PPM1B: variants seen among roughly 807,000 people sequenced by gnomAD.
PPM1B encodes protein phosphatase 1B.
In PPM1B, 22 loss-of-function variants were observed where a neutral mutation model predicts 43.0. The observed-to-expected ratio is 0.51, with a 90% CI of 0.37 to 0.73. The LOEUF (loss-of-function observed/expected upper bound fraction) is 0.73. Among genes scored for constraint, PPM1B ranks in the 30% least tolerant of loss-of-function variants. The pLI is 0.00. For missense variants in PPM1B, 632 were observed against 584.2 expected (o/e 1.08, Z -0.84); for synonymous variants, 217 against 197.9 (o/e 1.10, Z -0.81).
chr2:44,238,097 T>C (rs1670667434), downstream of PPM1B, among the ~76,000 whole-genome samples: 1 of 151,938 alleles, frequency 6.6e-6, no homozygotes. Context: ...GAGATGGAGT[T>C]TCACCATGTT....
intron 3 of PPM1B, among the ~76,000 whole-genome samples, chr2:44,214,187 C>T (rs1253127969): frequency 6.6e-6 from 1 of 152,198 alleles, no homozygotes; most frequent in Non-Finnish European, 1.5e-5. Context: ...TCACACCATT[C>T]TTCTGCCTCA....
In PPM1B at chr2:44,231,432, G is replaced by A. The variant is rs1252942179; in HGVS notation, c.*714G>A. On this transcript the variant is annotated 3_prime_UTR_variant, in exon 6 of 6. Coordinates refer to ENST00000282412, the MANE Select transcript of PPM1B (RefSeq NM_002706.6). ...CCAAGTGTTTAGAATGAAATTATAA[G>A]TGTTTAAGTCCAAATAAAGCATGTG... is the stretch of plus-strand genomic sequence containing the variant. The A allele has an allele frequency of 1.0e-6, 1 of 974,998 alleles. No individual in the cohort carries two copies. Among genetic ancestry groups the A allele is most frequent in the South Asian group, 4.7e-5 (1 of 21,084 alleles). The allele number at this position is 974,998 out of a possible 1,614,324, so 60.4% of individuals were successfully genotyped here.
chr2:44,232,434 T>G (rs774854299), downstream of PPM1B: 11 of 1,575,124 alleles, frequency 7.0e-6, no homozygotes, highest in Non-Finnish European at 9.4e-6. Context: ...GGGGAAAATA[T>G]TCTTGCGGAT....
At chr2:44,233,407 T>G, downstream of PPM1B, 1 of 982,150 alleles carries the variant, frequency 1.0e-6, no homozygotes, top group Non-Finnish European at 1.2e-6. Flanking sequence ...ATTAGTTTAA[T>G]TCTATTTTTA....
chr2:44,232,241 T>C, downstream of PPM1B: 1 of 1,555,760 alleles, frequency 6.4e-7, no homozygotes, highest in South Asian at 1.2e-5. Context: ...ATCAATTTTG[T>C]TTTCTTTTGA....
At chr2:44,218,164 A>G in intron 4 of PPM1B, 86 bp downstream of exon 4, 1 of 987,160 alleles carries the variant, frequency 1.0e-6, no homozygotes, top group South Asian at 1.4e-5. Context: ...TCAGAAGTAC[A>G]TCAATTATCT....
chr2:44,175,153 C>G (rs932074304), intron 1 of PPM1B, among the ~76,000 whole-genome samples: 1 of 152,126 alleles, frequency 6.6e-6, no homozygotes, highest in African/African-American at 2.4e-5. Context: ...ACTCAGGAGG[C>G]TGAGACAGGA....
intron 1 of PPM1B, among the ~76,000 whole-genome samples, chr2:44,200,707 T>C (rs1050086485): frequency 6.6e-6 from 1 of 152,224 alleles, no homozygotes; most frequent in Non-Finnish European, 1.5e-5. Flanking sequence ...TCTTCTAAAG[T>C]ATATTAGTAT....
At chr2:44,245,781 C>G (rs1392761968), downstream of PPM1B, among the ~76,000 whole-genome samples, 1 of 152,174 alleles carries the variant, frequency 6.6e-6, no homozygotes, top group African/African-American at 2.4e-5. Flanking sequence ...ATTGCTGTAA[C>G]TATGTGCCAA....
chr2:44,228,184 G>GC (rs1228838378), intron 5 of PPM1B, among the ~76,000 whole-genome samples: 2 of 109,338 alleles, frequency 1.8e-5, no homozygotes, highest in Admixed American at 1.3e-4. Context: ...AGCCTAACAA[G>GC]CCCTTTTTTT....
chr2:44,200,896 C>T (rs902924553), intron 1 of PPM1B, among the ~76,000 whole-genome samples: 4 of 152,168 alleles, frequency 2.6e-5, no homozygotes, highest in African/African-American at 7.2e-5. Flanking sequence ...GTGGTCTCAA[C>T]GTGGCTGCAC....
At chr2:44,219,079 G>C (rs902825815) in intron 5 of PPM1B, 7 of 246,394 alleles carry the variant, frequency 2.8e-5, no homozygotes, top group African/African-American at 7.1e-5. Context: ...CTTCATCAGA[G>C]CAAGACTCTA....
At chr2:44,208,799 C>T (rs926517030) in intron 2 of PPM1B, among the ~76,000 whole-genome samples, 3 of 152,142 alleles carry the variant, frequency 2.0e-5, no homozygotes, top group Admixed American at 1.3e-4. Context: ...TTCATGGAGT[C>T]GTAGCATTGC....
Position 44,208,073 on chromosome 2 carries a change from A to G in PPM1B, c.847-1137A>G, listed in dbSNP as rs1669278834. ...CTGGATAATTTTTGTATATTTGTGTAGAGATGGGGTTTCACCATGTTAGTC... is the reference window on the plus strand; with the variant it reads ...CTGGATAATTTTTGTATATTTGTGTGGAGATGGGGTTTCACCATGTTAGTC... On this transcript the variant is annotated intron_variant, in intron 2 of 5. Coordinates refer to ENST00000282412, the MANE Select transcript of PPM1B (RefSeq NM_002706.6). 5.3e-5 allele frequency among the ~76,000 whole-genome samples: 8 copies of G among 151,580 alleles called. No homozygotes were observed. The South Asian group carries it at 1.7e-3, about 32-fold the overall frequency.
At chr2:44,238,196 C>G (rs1200972196), downstream of PPM1B, among the ~76,000 whole-genome samples, 1 of 152,068 alleles carries the variant, frequency 6.6e-6, no homozygotes, top group African/African-American at 2.4e-5. Context: ...ACCCACCGCA[C>G]CCAGCCTGAA....
chr2:44,217,654 T>C (rs1669784922), intron 3 of PPM1B, among the ~76,000 whole-genome samples: 1 of 152,254 alleles, frequency 6.6e-6, no homozygotes, highest in South Asian at 2.1e-4. Flanking sequence ...TTTCACTCAA[T>C]GGCTACACCA....
rs371349971 is a variant in PPM1B, at chr2:44,190,438, C to T, written c.-14-10748C>T. On this transcript the variant is annotated intron_variant, in intron 1 of 5. Coordinates refer to ENST00000282412, the MANE Select transcript of PPM1B (RefSeq NM_002706.6). ...CCTCCCAAAGTGTTGGGATTACAGG[C>T]GTGAGCCACTGTGCCTGGCCAAGTA... Among the ~76,000 whole-genome samples, 28 of 152,200 alleles carry T rather than the reference C, an allele frequency of 1.8e-4. No individual in the cohort carries two copies. The East Asian group carries it at 4.8e-3, about 26-fold the overall frequency.
Position 44,208,121 on chromosome 2 carries a change from C to T in PPM1B, c.847-1089C>T, listed in dbSNP as rs141123272. Among the ~76,000 whole-genome samples the T allele has an allele frequency of 3.4e-3, 511 of 151,396 alleles. 1 individual carries two copies. Among genetic ancestry groups the T allele is most frequent in the African/African-American group, 0.012 (494 of 41,310 alleles). On this transcript the variant is annotated intron_variant, in intron 2 of 5. Coordinates refer to ENST00000282412, the MANE Select transcript of PPM1B (RefSeq NM_002706.6). ...GTCAGGCTGGTCTTGAACCCCTCAC[C>T]TTGTGATCTGCCCTCCTCAGCCTCC...
At chr2:44,226,733 ATCTTT>A (rs1670230009) in intron 5 of PPM1B, among the ~76,000 whole-genome samples, 1 of 41,180 alleles carries the variant, frequency 2.4e-5, no homozygotes, top group African/African-American at 8.5e-5. Flanking sequence ...GTAGGTTTTT[ATCTTT>A]TTTTTTTTTT....
Sources: gnomAD v4.1 joint callset for allele counts (sites outside exome capture counted in the v4.1 genomes callset) on GRCh38, gnomAD v4.1.1 for gene constraint, MANE v1.5 for transcripts, NCBI Gene and HGNC (gene_info 2026-07-23, HGNC 2026-07-21) for gene names.